The following MEMO1 variants were observed in gnomAD, a reference collection of about 807,000 sequenced individuals.
MEMO1 encodes mediator of cell motility 1.
MEMO1 carries 6 observed loss-of-function variants against 45.2 expected under a neutral mutation model. That is an observed-to-expected ratio of 0.13 (90% confidence interval 0.07 to 0.26). The LOEUF (loss-of-function observed/expected upper bound fraction) is 0.26, where lower values mean the gene tolerates loss of function less well. Among genes scored for constraint, MEMO1 ranks in the 10% least tolerant of loss-of-function variants. MEMO1 has a pLI of 1.00. For missense variants in MEMO1, 184 were observed against 370.5 expected (o/e 0.50, Z 4.13); for synonymous variants, 78 against 124.3 (o/e 0.63, Z 2.48).
intron 2 of MEMO1, among the ~76,000 whole-genome samples, chr2:31,946,617 T>G (rs529912064): frequency 6.6e-6 from 1 of 152,236 alleles, no homozygotes; most frequent in African/African-American, 2.4e-5. Context: ...ATCCCAGCAC[T>G]TTGGGAGGCC....
intron 2 of MEMO1, among the ~76,000 whole-genome samples, chr2:31,956,527 G>A (rs1667432022): frequency 6.6e-6 from 1 of 152,208 alleles, no homozygotes; most frequent in South Asian, 2.1e-4. Context: ...AAGCCCAGAG[G>A]ATGACACCAT....
rs780452066 is a variant in MEMO1 at position 31,917,985 on chromosome 2, T to C, written c.378A>G (p.Thr126=). Residue 126 remains threonine, a synonymous_variant, in exon 6 of 10, where the codon ACA becomes ACG. Transcript: ENST00000404530. The part of the protein sequence containing the change: ...TGMFERMSLQ[T]DEDEHSIEMH... ...TTTCAATACTGTGTTCATCTTCATC[T>C]GTCTGCAGAGACATGCGTTCAAACA... is the stretch of plus-strand genomic sequence containing the variant. 2 of 1,611,900 alleles carry C rather than the reference T, an allele frequency of 1.2e-6. No individual in the cohort carries two copies. The highest frequency in any genetic ancestry group is 4.5e-5 in the East Asian group (2 of 44,778).
intron 2 of MEMO1, among the ~76,000 whole-genome samples, chr2:31,945,690 A>G (rs994169270): frequency 2.0e-5 from 3 of 152,088 alleles, no homozygotes; most frequent in Admixed American, 1.3e-4. Context: ...GAGAGACGGC[A>G]CCCTTATCTC....
chr2:31,976,486 G>A (rs180973598), intron 2 of MEMO1, among the ~76,000 whole-genome samples: 4 of 151,920 alleles, frequency 2.6e-5, no homozygotes, highest in Admixed American at 2.6e-4. Flanking sequence ...GCTGAGGCAT[G>A]AAAATCACTT....
chr2:31,989,476 A>C (rs1671678337), intron 2 of MEMO1, among the ~76,000 whole-genome samples: 1 of 152,206 alleles, frequency 6.6e-6, no homozygotes, highest in African/African-American at 2.4e-5. Context: ...TGCGTAACTC[A>C]ATAAACAAAT....
chr2:31,945,491 A>C (rs961362173), intron 2 of MEMO1, among the ~76,000 whole-genome samples: 3 of 152,238 alleles, frequency 2.0e-5, no homozygotes, highest in African/African-American at 7.2e-5. Flanking sequence ...ATTAAAATTT[A>C]AAATAAGAGG....
intron 2 of MEMO1, among the ~76,000 whole-genome samples, chr2:31,959,696 A>C (rs1667792523): frequency 6.6e-6 from 1 of 152,172 alleles, no homozygotes; most frequent in Admixed American, 6.5e-5. Context: ...CTATTTCATC[A>C]CCTCGAGGAT....
chr2:31,955,006 CAA>C (rs1667247198), intron 2 of MEMO1, among the ~76,000 whole-genome samples: 2 of 151,844 alleles, frequency 1.3e-5, no homozygotes, highest in East Asian at 1.9e-4. Context: ...TTTGAAAGTC[CAA>C]AGAGGGAGGA....
intron 7 of MEMO1, among the ~76,000 whole-genome samples, chr2:31,884,802 T>C (rs1216408208): frequency 6.6e-6 from 1 of 152,194 alleles, no homozygotes; most frequent in Non-Finnish European, 1.5e-5. Context: ...TCACTCAATA[T>C]TGCATCTTAT....
At chr2:31,938,830 A>G (rs1245239592) in intron 3 of MEMO1, among the ~76,000 whole-genome samples, 2 of 143,858 alleles carry the variant, frequency 1.4e-5, no homozygotes, top group Non-Finnish European at 3.0e-5. Context: ...CCCATTACCC[A>G]GGCTGGGGTG....
chr2:31,971,900 G>A (rs964822790), intron 2 of MEMO1, among the ~76,000 whole-genome samples: 4 of 152,138 alleles, frequency 2.6e-5, no homozygotes, highest in Admixed American at 2.6e-4. Context: ...AGCCCAGGAG[G>A]CAGAGGTTGC....
intron 2 of MEMO1, among the ~76,000 whole-genome samples, chr2:31,984,030 T>G (rs1349041224): frequency 1.3e-5 from 2 of 151,290 alleles, no homozygotes; most frequent in East Asian, 1.9e-4. Flanking sequence ...TATAAATAAG[T>G]TGAGTGGGGG....
At chr2:31,911,401 C>A (rs537910486) in intron 6 of MEMO1, among the ~76,000 whole-genome samples, 1 of 152,250 alleles carries the variant, frequency 6.6e-6, no homozygotes, top group South Asian at 2.1e-4. Flanking sequence ...ATAGGTGAAG[C>A]ACTGATTTTT....
chr2:31,947,785 T>A (rs1036066018), intron 2 of MEMO1, among the ~76,000 whole-genome samples: 2 of 152,180 alleles, frequency 1.3e-5, no homozygotes, highest in African/African-American at 4.8e-5. Context: ...TAAGTTTATT[T>A]GCATGGTGAC....
chr2:31,876,698 A>G (rs1674619525), intron 8 of MEMO1, among the ~76,000 whole-genome samples: 1 of 151,950 alleles, frequency 6.6e-6, no homozygotes, highest in Admixed American at 6.6e-5. Context: ...CACCCCCACC[A>G]AAAACATTTT....
chr2:31,998,753 T>G (rs1187931175), intron 2 of MEMO1, among the ~76,000 whole-genome samples: 2 of 150,540 alleles, frequency 1.3e-5, no homozygotes, highest in East Asian at 3.9e-4. Flanking sequence ...TGAGTAGAGA[T>G]CATGCCATTG....
At chr2:31,933,347 AAAT>A (rs1664479342) in intron 3 of MEMO1, among the ~76,000 whole-genome samples, 4 of 19,960 alleles carry the variant, frequency 2.0e-4, no homozygotes, top group Non-Finnish European at 2.6e-4. Context: ...AAAAAAAAAA[AAAT>A]TTATATATAT....
chr2:31,880,590 G>A (rs746125564), intron 8 of MEMO1, among the ~76,000 whole-genome samples: 1 of 152,116 alleles, frequency 6.6e-6, no homozygotes, highest in Non-Finnish European at 1.5e-5. Flanking sequence ...CACATTGGTA[G>A]AGCTGATTTG....
chr2:31,962,770 G>A (rs1668169295), intron 2 of MEMO1, among the ~76,000 whole-genome samples: 1 of 152,204 alleles, frequency 6.6e-6, no homozygotes, highest in South Asian at 2.1e-4. Flanking sequence ...AATGAGCCTG[G>A]ATGTGACAGT....
Sources: allele counts gnomAD v4.1 joint callset (sites outside exome capture counted in the v4.1 genomes callset), GRCh38; gene constraint gnomAD v4.1.1; transcripts MANE v1.5; gene names NCBI Gene and HGNC (gene_info 2026-07-23, HGNC 2026-07-21).